SLC8A2: variants seen among roughly 807,000 people sequenced by gnomAD.
SLC8A2 encodes sodium/calcium exchanger 2.
A neutral mutation model predicts 70.2 loss-of-function variants in SLC8A2; 14 were observed. That is an observed-to-expected ratio of 0.20 (90% CI 0.13 to 0.31). The LOEUF (loss-of-function observed/expected upper bound fraction) is 0.31. SLC8A2 is among the 10% of genes least tolerant of loss of function. SLC8A2 has a pLI of 1.00. For missense variants in SLC8A2, 779 were observed against 1,320.1 expected (o/e 0.59, Z 6.35); for synonymous variants, 575 against 594.3 (o/e 0.97, Z 0.47).
intron 3 of SLC8A2, among the ~76,000 whole-genome samples, chr19:47,455,450 C>T (rs1967292998): frequency 6.6e-6 from 1 of 152,190 alleles, no homozygotes; most frequent in African/African-American, 2.4e-5. Flanking sequence ...GCCTGTCTTT[C>T]CCAGGAGAAT....
chr19:47,448,863 A>C lies in SLC8A2; in HGVS notation c.1341-632T>G, dbSNP rs1568443646. Among the ~76,000 whole-genome samples the C allele has an allele frequency of 6.6e-6, 1 of 152,082 alleles. No individual in the cohort carries two copies. Among genetic ancestry groups the C allele is most frequent in the Non-Finnish European group, 1.5e-5 (1 of 68,004 alleles). On this transcript the variant is annotated intron_variant, in intron 3 of 9. Transcript: ENST00000236877. This position sits in a 1 kb window ranked among gnomAD's most constrained non-coding sequence, Gnocchi z 4.8. ...AGTCCATACACCTTAACTTGGCATCACTCATTCATTCAACAAACACTCCTA... is the reference window on the plus strand; with the variant it reads ...AGTCCATACACCTTAACTTGGCATCCCTCATTCATTCAACAAACACTCCTA...
intron 1 of SLC8A2, among the ~76,000 whole-genome samples, chr19:47,471,340 C>G (rs1967536470): frequency 6.6e-6 from 1 of 151,790 alleles, no homozygotes; most frequent in Non-Finnish European, 1.5e-5. Context: ...CCGAACAGAC[C>G]CCGGCACAGA....
Position 47,437,508 on chromosome 19 carries a change from G to T in SLC8A2, c.2064C>A (p.Thr688=), listed in dbSNP as rs1967044887. 2.5e-6 allele frequency: 4 copies of T among 1,613,770 alleles called. No individual in the cohort carries two copies. The East Asian group carries it at 8.9e-5, about 36-fold the overall frequency. Residue 688 remains threonine, a synonymous_variant, in exon 8 of 10, where the codon ACC becomes ACA. Coordinates refer to ENST00000236877, the MANE Select transcript of SLC8A2 (RefSeq NM_015063.3). ...KKTNLALVIG[T]HSWREQFLEA... ...CTAAAAACTGCTCCCTCCATGAATG[G>T]GTCCCAATTACCAAGGCCAAGTTCG...
chr19:47,437,972 C>T lies in SLC8A2; in HGVS notation c.1887G>A (p.Gly629=). The T allele has an allele frequency of 2.5e-6, 4 of 1,614,070 alleles. No homozygotes were observed. Among genetic ancestry groups the T allele is most frequent in the Non-Finnish European group, 3.4e-6 (4 of 1,180,022 alleles). Residue 629 remains glycine, a splice_region_variant and synonymous_variant, in exon 7 of 10, where the codon GGG becomes GGA. Coordinates refer to ENST00000236877, the MANE Select transcript of SLC8A2 (RefSeq NM_015063.3). ...CGGCTGTTAGCTTCCTGTCCCCATCCCCTGCAGCATGAGGGGTGGGGGTTA... is the reference window on the plus strand; with the variant it reads ...CGGCTGTTAGCTTCCTGTCCCCATCTCCTGCAGCATGAGGGGTGGGGGTTA... ...RGISALLLNQ[G]DGDRKLTAEE...
Position 47,457,001 on chromosome 19 carries a change from G to C in SLC8A2, c.1269C>G (p.Gly423=). 1 of 1,612,780 alleles carries C rather than the reference G, an allele frequency of 6.2e-7. No individual in the cohort carries two copies. The highest frequency in any genetic ancestry group is 8.5e-7 in the Non-Finnish European group (1 of 1,179,582). The change falls in exon 3 of 10, where the codon GGC becomes GGG. Residue 423 remains glycine (G), a synonymous_variant. Coordinates refer to ENST00000236877, the MANE Select transcript of SLC8A2 (RefSeq NM_015063.3). ...LLSVTCQGGE[G]NSTFYVDYRT... ...GGTAGTCCACGTAGAAGGTGCTGTT[G>C]CCCTCGCCGCCCTGGCACGTGACGG...
At position 47,467,932 on chromosome 19, in the gene SLC8A2, G is replaced by T. The variant is rs142258919; in HGVS notation, c.-16-1513C>A. Among the ~76,000 whole-genome samples, 354 of 151,780 alleles carry T rather than the reference G, an allele frequency of 2.3e-3. 2 individuals are homozygous for T. The highest frequency in any genetic ancestry group is 8.3e-3 in the African/African-American group (344 of 41,340). Reference sequence around the variant, plus strand: ...GAAGCATGAGAATCGCTTGAGCCAGGGAGGCAGAGGTTGCAGTGAGCCGAG... The same window carrying T: ...GAAGCATGAGAATCGCTTGAGCCAGTGAGGCAGAGGTTGCAGTGAGCCGAG... On this transcript the variant is annotated intron_variant, in intron 1 of 9. Transcript: ENST00000236877.
rs909790865 is a variant in SLC8A2, at chr19:47,471,799, A to C, written c.-27T>G. The C allele has an allele frequency of 2.0e-5, 3 of 151,836 alleles. No homozygotes were observed. The highest frequency in any genetic ancestry group is 4.4e-5 in the Non-Finnish European group (3 of 67,998). 9.4% of individuals were successfully genotyped at this position (151,836 alleles called of 1,614,324 possible). ...AATGGGGTCTCTTACCTGCGGCTAC[A>C]GCCTGGAGCAGGTCCCCCCAGCGCT... On this transcript the variant is annotated 5_prime_UTR_variant, in exon 1 of 10. Coordinates refer to ENST00000236877, the MANE Select transcript of SLC8A2 (RefSeq NM_015063.3).
At position 47,457,081 on chromosome 19, in the gene SLC8A2, A is replaced by T; in HGVS notation, c.1189T>A (p.Phe397Ile). 2 of 1,581,834 alleles carry T rather than the reference A, an allele frequency of 1.3e-6. No individual in the cohort carries two copies. The highest frequency in any genetic ancestry group is 1.1e-5 in the South Asian group (1 of 87,300). Residue 397 changes from phenylalanine to isoleucine, a missense_variant, in exon 3 of 10, where the codon TTC becomes ATC. This residue lies in a region of SLC8A2 where 186 missense variants were observed against 246.6 expected (regional missense o/e 0.75). Coordinates refer to ENST00000236877, the MANE Select transcript of SLC8A2 (RefSeq NM_015063.3). The stretch of plus-strand genomic sequence containing the variant: ...CAGTGGTAGAGGCTAGGCTCGAAGA[A>T]GATGCGGCTGGCGCCGTCGTCTTCG... ...EDEDDGASRI[F>I]FEPSLYHCLE...
chr19:47,432,987 A>C lies in SLC8A2; in HGVS notation c.2111-542T>G, dbSNP rs1160386536. ...TGAAGCTAGGAGCATGAATGGACCC[A>C]GGTGAAAAATATTTAGTTTCCCGGA... On this transcript the variant is annotated intron_variant, in intron 8 of 9. Transcript: ENST00000236877. The surrounding 1 kb of genome is among the most constrained non-coding windows in gnomAD (Gnocchi z 6.2). 1.3e-5 allele frequency among the ~76,000 whole-genome samples: 2 copies of C among 152,068 alleles called. No homozygotes were observed. Among genetic ancestry groups the C allele is most frequent in the African/African-American group, 4.8e-5 (2 of 41,390 alleles).
chr19:47,463,484 C>T (rs1345576873), intron 2 of SLC8A2, among the ~76,000 whole-genome samples: 2 of 148,802 alleles, frequency 1.3e-5, no homozygotes, highest in Middle Eastern at 7.1e-3. Flanking sequence ...GTAATCCCAG[C>T]ACTTTGGGAG....
intron 4 of SLC8A2, among the ~76,000 whole-genome samples, chr19:47,443,896 T>C (rs973941965): frequency 2.3e-4 from 35 of 152,220 alleles, no homozygotes; most frequent in African/African-American, 7.7e-4. Context: ...TTCTCATCTC[T>C]CTGCTCTCCC....
chr19:47,431,666 AAAAAAAAAAAAAAAC>A (rs1966962775), intron 9 of SLC8A2, among the ~76,000 whole-genome samples: 1 of 130,208 alleles, frequency 7.7e-6, no homozygotes, highest in Non-Finnish European at 1.7e-5. Flanking sequence ...CCAAAAAAAA[AAAAAAAAAAAAAAAC>A]AAAACCCAAA....
intron 6 of SLC8A2, 50 bp from the exon 7 acceptor site, chr19:47,438,023 G>A (rs781233234): frequency 1.8e-5 from 29 of 1,609,218 alleles, no homozygotes; most frequent in Non-Finnish European, 2.5e-5. Context: ...TACCTAATTG[G>A]GCCTGTGACG....
Position 47,465,725 on chromosome 19 carries a change from T to C in SLC8A2, c.675+4A>G, listed in dbSNP as rs747440137. The C allele has an allele frequency of 1.2e-6, 2 of 1,603,856 alleles. No homozygotes were observed. Among genetic ancestry groups the C allele is most frequent in the East Asian group, 2.2e-5 (1 of 44,688 alleles). ...CAAGAAAGCATCTATGCGTCTTTGC[T>C]CACCTGGACCACACCGGGGGAAAAA... On this transcript the variant is annotated splice_donor_region_variant and intron_variant, in intron 2 of 9. Transcript: ENST00000236877. This position sits in a 1 kb window ranked among gnomAD's most constrained non-coding sequence, Gnocchi z 5.5.
chr19:47,458,141 G>A (rs906153180), intron 2 of SLC8A2, among the ~76,000 whole-genome samples: 6 of 151,716 alleles, frequency 4.0e-5, no homozygotes, highest in African/African-American at 1.5e-4. Context: ...CGTGAGCCCT[G>A]TCTCTTTGTT....
chr19:47,447,688 G>T lies in SLC8A2; in HGVS notation c.1763+121C>A. 3 of 1,078,006 alleles carry T rather than the reference G, an allele frequency of 2.8e-6. No individual in the cohort carries two copies. Among genetic ancestry groups the T allele is most frequent in the Non-Finnish European group, 3.8e-6 (3 of 797,164 alleles). 66.8% of individuals were successfully genotyped at this position (1,078,006 alleles called of 1,614,324 possible). On this transcript the variant is annotated intron_variant, in intron 4 of 9. Transcript: ENST00000236877. The surrounding 1 kb of genome is among the most constrained non-coding windows in gnomAD (Gnocchi z 5.1). ...GCCACGCAGGCCCCTCCCCTCCCGA[G>T]GCCCAACCAAGACCCGCCCACTATG... is the stretch of plus-strand genomic sequence containing the variant.
chr19:47,440,689 T>C lies in SLC8A2; in HGVS notation c.1885+480A>G, dbSNP rs535019091. On this transcript the variant is annotated intron_variant, in intron 6 of 9. Coordinates refer to ENST00000236877, the MANE Select transcript of SLC8A2 (RefSeq NM_015063.3). ...TCACCGCAACCTCCACCTCCCGGGTTCGAGCGATTCTCCTGCCTCAGCCTC... is the reference window on the plus strand; with the variant it reads ...TCACCGCAACCTCCACCTCCCGGGTCCGAGCGATTCTCCTGCCTCAGCCTC... 7.9e-5 allele frequency among the ~76,000 whole-genome samples: 12 copies of C among 152,256 alleles called. No individual in the cohort carries two copies. In the East Asian group the frequency reaches 2.1e-3, roughly 27 times the overall value.
In SLC8A2 at chr19:47,466,508, G is replaced by A; in HGVS notation, c.-16-89C>T. ...AAAGCTCACTGGGGAAGGAGGGTTGGGGGAGAAGCTGAGGACCAATGCAGG... is the reference window on the plus strand; with the variant it reads ...AAAGCTCACTGGGGAAGGAGGGTTGAGGGAGAAGCTGAGGACCAATGCAGG... On this transcript the variant is annotated intron_variant, in intron 1 of 9. Transcript: ENST00000236877. This position sits in a 1 kb window ranked among gnomAD's most constrained non-coding sequence, Gnocchi z 6.9. 1 of 588,742 alleles carries A rather than the reference G, an allele frequency of 1.7e-6. No homozygotes were observed. Among genetic ancestry groups the A allele is most frequent in the Non-Finnish European group, 3.0e-6 (1 of 334,074 alleles). The allele number at this position is 588,742 out of a possible 1,614,324, so 36.5% of individuals were successfully genotyped here. A position where few individuals can be genotyped will look rare whatever the true frequency, so the allele number is the denominator to read the frequency against.
chr19:47,445,844 G>T (rs988099373), intron 4 of SLC8A2, among the ~76,000 whole-genome samples: 2 of 152,204 alleles, frequency 1.3e-5, no homozygotes, highest in African/African-American at 4.8e-5. Context: ...CCATCTCTTG[G>T]TGTGAGAGAG....
Sources: gnomAD v4.1 joint callset for allele counts (sites outside exome capture counted in the v4.1 genomes callset) on GRCh38, gnomAD v4.1.1 for gene constraint, gnomAD v4.1.1 regional missense constraint, Gnocchi (gnomAD v3.1) non-coding constraint, MANE v1.5 for transcripts, NCBI Gene and HGNC (gene_info 2026-07-23, HGNC 2026-07-21) for gene names.